The following CCDC25 variants were observed in gnomAD, a reference collection of about 807,000 sequenced individuals.
CCDC25 encodes coiled-coil domain-containing protein 25.
In CCDC25, 16 loss-of-function variants were observed where a neutral mutation model predicts 35.3. The ratio of observed to expected loss-of-function variants is 0.45; its 90% confidence interval spans 0.31 to 0.69. CCDC25 has a LOEUF of 0.69. CCDC25 is among the 30% of genes least tolerant of loss of function. CCDC25 has a pLI of 0.06. For synonymous variants in CCDC25, 79 were observed against 80.3 expected, an observed-to-expected ratio of 0.98 and a Z score of 0.09; for missense variants, 179 against 250.7, an observed-to-expected ratio of 0.71 and a Z score of 1.93.
chr8:27,765,095 A>C, intron 2 of CCDC25, 109 bp downstream of exon 2: 1 of 937,906 alleles, frequency 1.1e-6, no homozygotes, highest in South Asian at 1.6e-5. Flanking sequence ...TTATCAAAGT[A>C]GGTGAAAACT....
chr8:27,770,731 C>T (rs1804573406), intron 1 of CCDC25, among the ~76,000 whole-genome samples: 1 of 120,380 alleles, frequency 8.3e-6, no homozygotes, highest in Non-Finnish European at 1.7e-5. Context: ...AAGAGCAAAA[C>T]TCCGTCTCCA....
intron 3 of CCDC25, among the ~76,000 whole-genome samples, chr8:27,757,823 G>A (rs1804068696): frequency 6.6e-6 from 1 of 152,180 alleles, no homozygotes; most frequent in African/African-American, 2.4e-5. Flanking sequence ...CTGGTGGGAG[G>A]TGACTGGATC....
chr8:27,768,901 G>A (rs1804493370), intron 1 of CCDC25, among the ~76,000 whole-genome samples: 1 of 129,776 alleles, frequency 7.7e-6, no homozygotes, highest in Non-Finnish European at 1.7e-5. Flanking sequence ...GGTCTTAAAT[G>A]TGACACTGGA....
intron 3 of CCDC25, among the ~76,000 whole-genome samples, chr8:27,759,860 G>A (rs1804163963): frequency 6.6e-6 from 1 of 151,702 alleles, no homozygotes; most frequent in Non-Finnish European, 1.5e-5. Context: ...AGGAGCCTCA[G>A]GAGGTTTTCC....
chr8:27,762,480 G>T, intron 2 of CCDC25, 22 bp from the exon 3 acceptor site: 1 of 1,608,348 alleles, frequency 6.2e-7, no homozygotes, highest in Non-Finnish European at 8.5e-7. Flanking sequence ...TATGAGAAAC[G>T]AAAGAAACAA....
intron 8 of CCDC25, among the ~76,000 whole-genome samples, chr8:27,736,610 A>G (rs1307154847): frequency 2.6e-5 from 4 of 152,220 alleles, no homozygotes; most frequent in African/African-American, 9.7e-5. Context: ...CAATGTCCTC[A>G]TGCCAACAAT....
At chr8:27,751,166 A>C (rs1478376016) in intron 5 of CCDC25, among the ~76,000 whole-genome samples, 1 of 152,250 alleles carries the variant, frequency 6.6e-6, no homozygotes, top group East Asian at 1.9e-4. Context: ...TGGGCCAAGA[A>C]TAAGGCCTCC....
Position 27,736,000 on chromosome 8 carries a change from A to G in CCDC25, c.*216T>C, listed in dbSNP as rs1229651266. ...GGCAAAAACATTTTCACTTTAAGTT[A>G]TATGCTGTCAAGTTCAACTATTTTA... On this transcript the variant is annotated 3_prime_UTR_variant, in exon 9 of 9. Transcript: ENST00000356537. 4.2e-6 allele frequency: 2 copies of G among 473,260 alleles called. No homozygotes were observed. The highest frequency in any genetic ancestry group is 4.1e-5 in the African/African-American group (2 of 49,118). The allele number at this position is 473,260 out of a possible 1,614,324, so 29.3% of individuals were successfully genotyped here.
chr8:27,757,074 C>T (rs1376542440), intron 3 of CCDC25, among the ~76,000 whole-genome samples: 1 of 152,100 alleles, frequency 6.6e-6, no homozygotes, highest in East Asian at 1.9e-4. Context: ...TGATCAAAGG[C>T]TTCATGATAA....
intron 8 of CCDC25, among the ~76,000 whole-genome samples, chr8:27,738,413 C>T (rs1803320896): frequency 6.6e-6 from 1 of 152,142 alleles, no homozygotes; most frequent in Non-Finnish European, 1.5e-5. Context: ...TGCAAAACTT[C>T]CTTGGAATCT....
chr8:27,760,882 T>C (rs998443336), intron 3 of CCDC25, among the ~76,000 whole-genome samples: 1 of 152,222 alleles, frequency 6.6e-6, no homozygotes, highest in South Asian at 2.1e-4. Flanking sequence ...TCCCAGCACT[T>C]TGGGAGTCCA....
intron 5 of CCDC25, among the ~76,000 whole-genome samples, chr8:27,752,157 A>G (rs1803833742): frequency 6.6e-6 from 1 of 152,276 alleles, no homozygotes; most frequent in Non-Finnish European, 1.5e-5. Flanking sequence ...AAATAAAGCC[A>G]TAAAACACAT....
intron 1 of CCDC25, 123 bp from the exon 2 acceptor site, chr8:27,765,374 C>T: frequency 1.3e-6 from 1 of 754,396 alleles, no homozygotes. Context: ...GATCCAAATC[C>T]AGCCTACCAC....
intron 1 of CCDC25, among the ~76,000 whole-genome samples, chr8:27,768,390 C>T (rs577628644): frequency 6.6e-6 from 1 of 152,016 alleles, no homozygotes; most frequent in South Asian, 2.1e-4. Flanking sequence ...TATGGCGAAA[C>T]CCTGTCTCCA....
At chr8:27,747,096 A>C (rs533556485) in intron 7 of CCDC25, among the ~76,000 whole-genome samples, 13 of 152,356 alleles carry the variant, frequency 8.5e-5, no homozygotes, top group African/African-American at 3.1e-4. Context: ...CTTTAATTAG[A>C]ACAACTAGGG....
At chr8:27,741,004 T>A (rs1803417300) in intron 7 of CCDC25, among the ~76,000 whole-genome samples, 1 of 152,098 alleles carries the variant, frequency 6.6e-6, no homozygotes, top group Non-Finnish European at 1.5e-5. Context: ...GAGGGGGCAT[T>A]TCAGATCCAG....
chr8:27,734,549 A>T lies in CCDC25; in HGVS notation c.*1667T>A, dbSNP rs1274307373. 1 of 152,134 alleles carries T rather than the reference A, an allele frequency of 6.6e-6. No individual in the cohort carries two copies. The highest frequency in any genetic ancestry group is 1.5e-5 in the Non-Finnish European group (1 of 68,054). The allele number at this position is 152,134 out of a possible 1,614,324, so 9.4% of individuals were successfully genotyped here. A position where few individuals can be genotyped will look rare whatever the true frequency, so the allele number is the denominator to read the frequency against. On this transcript the variant is annotated 3_prime_UTR_variant, in exon 9 of 9. Transcript: ENST00000356537. Reference sequence around the variant, plus strand: ...ACCAACAGAGATGGGGAAAAAAATAAAACAAAGAGGCTGCAGGGTTAGGGG... The same window carrying T: ...ACCAACAGAGATGGGGAAAAAAATATAACAAAGAGGCTGCAGGGTTAGGGG...
chr8:27,750,679 G>C (rs1181767908), intron 5 of CCDC25, among the ~76,000 whole-genome samples: 1 of 152,166 alleles, frequency 6.6e-6, no homozygotes, highest in Non-Finnish European at 1.5e-5. Context: ...TTAAATGCTG[G>C]TTTCAGAAGT....
chr8:27,757,065 G>A (rs932123290), intron 3 of CCDC25, among the ~76,000 whole-genome samples: 3 of 152,182 alleles, frequency 2.0e-5, no homozygotes, highest in African/African-American at 7.2e-5. Context: ...AACTATCAGT[G>A]ATCAAAGGCT....
Sources: gnomAD v4.1 joint callset for allele counts (sites outside exome capture counted in the v4.1 genomes callset) on GRCh38, gnomAD v4.1.1 for gene constraint, MANE v1.5 for transcripts, NCBI Gene and HGNC (gene_info 2026-07-23, HGNC 2026-07-21) for gene names.